The following BLZF1 variants were observed in gnomAD, a reference collection of about 807,000 sequenced individuals.
The protein encoded by BLZF1 is golgin-45.
Under a neutral mutation model 43.8 loss-of-function variants are expected in BLZF1, and 39 were observed. The observed-to-expected ratio is 0.89, with a 90% CI of 0.69 to 1.16. BLZF1 has a LOEUF of 1.16. Among genes scored for constraint, BLZF1 ranks in the 50% most tolerant of loss-of-function variants. BLZF1 has a pLI of 0.00. For synonymous variants in BLZF1, 136 were observed against 159.4 expected (o/e 0.85, Z 1.11); for missense variants, 449 against 469.8 (o/e 0.96, Z 0.41).
At chr1:169,393,200 T>C (rs1276210733), downstream of BLZF1, among the ~76,000 whole-genome samples, 2 of 152,090 alleles carry the variant, frequency 1.3e-5, no homozygotes, top group Admixed American at 1.3e-4. Context: ...AAACATCTGG[T>C]GTCAGAAGTG....
chr1:169,376,999 A>G lies in BLZF1; in HGVS notation c.468+20A>G. On this transcript the variant is annotated intron_variant, in intron 3 of 6. Coordinates refer to ENST00000367808, the MANE Select transcript of BLZF1 (RefSeq NM_001320973.2). ...ACAGAGGTAAGAAGAGCCTTAATCG[A>G]TAAAATGAGTACTACTCTTTACGTC... is the stretch of plus-strand genomic sequence containing the variant. 6.3e-7 allele frequency: 1 copy of G among 1,593,286 alleles called. No homozygotes were observed. Among genetic ancestry groups the G allele is most frequent in the South Asian group, 1.1e-5 (1 of 89,720 alleles).
rs534344562 is a variant in BLZF1 at position 169,384,744 on chromosome 1, G to A, written c.1018-2253G>A. Among the ~76,000 whole-genome samples, 65 of 152,196 alleles carry A rather than the reference G, an allele frequency of 4.3e-4. No individual in the cohort carries two copies. In the South Asian group the frequency reaches 8.9e-3, roughly 21 times the overall value. On this transcript the variant is annotated intron_variant, in intron 6 of 6. Transcript: ENST00000367808. ...GAACCTGCCTTCTCTGAATCTTGCT[G>A]GCAATCTGAAGTGTTCCTTCTCCAT...
intron 2 of BLZF1, 51 bp from the exon 3 acceptor site, chr1:169,376,489 C>T (rs761842054): frequency 1.1e-5 from 17 of 1,497,738 alleles, no homozygotes; most frequent in Admixed American, 4.5e-5. Flanking sequence ...TTAGCATTTT[C>T]TTGGCATTTC....
chr1:169,394,630 TC>T (rs1477684463), intron 7 of BLZF1, among the ~76,000 whole-genome samples: 1 of 152,180 alleles, frequency 6.6e-6, no homozygotes, highest in Non-Finnish European at 1.5e-5. Context: ...ATTATTCAAA[TC>T]CAAAGTTGAC....
chr1:169,382,185 T>C lies in BLZF1; in HGVS notation c.921T>C (p.Asn307=). Residue 307 remains asparagine (N), a synonymous_variant, in exon 6 of 7, where the codon AAT becomes AAC. Transcript: ENST00000367808. Reference sequence around the variant, plus strand: ...ATCACAAGTTGGCAAAAGCAGTAAATTCTCATCTTCTGGGAAATGTTGGCA... The same window carrying C: ...ATCACAAGTTGGCAAAAGCAGTAAACTCTCATCTTCTGGGAAATGTTGGCA... ...LTNHKLAKAV[N]SHLLGNVGIN... 6.2e-7 allele frequency: 1 copy of C among 1,613,804 alleles called. No homozygotes were observed. Among genetic ancestry groups the C allele is most frequent in the Non-Finnish European group, 8.5e-7 (1 of 1,179,754 alleles).
chr1:169,383,669 CT>C (rs1449906668), intron 6 of BLZF1, among the ~76,000 whole-genome samples: 1 of 152,118 alleles, frequency 6.6e-6, no homozygotes, highest in Non-Finnish European at 1.5e-5. Context: ...CTCCCTTGAC[CT>C]TTGTAACATC....
intron 2 of BLZF1, among the ~76,000 whole-genome samples, chr1:169,371,024 C>A (rs1157274345): frequency 1.3e-5 from 2 of 152,136 alleles, no homozygotes; most frequent in Admixed American, 1.3e-4. Context: ...AATTTTTCAG[C>A]AAACTGACCT....
chr1:169,389,226 G>A (rs938388949), downstream of BLZF1, among the ~76,000 whole-genome samples: 18 of 152,122 alleles, frequency 1.2e-4, no homozygotes, highest in Admixed American at 7.9e-4. Context: ...CCTGGGAGGT[G>A]GAGGCTGCAG....
downstream of BLZF1, among the ~76,000 whole-genome samples, chr1:169,391,421 T>C (rs1266812832): frequency 1.3e-5 from 2 of 152,152 alleles, no homozygotes; most frequent in Non-Finnish European, 2.9e-5. Flanking sequence ...TGCAAGCCAC[T>C]GGCCACTGAA....
intron 3 of BLZF1, 121 bp from the exon 4 acceptor site, chr1:169,378,209 G>A (rs1239403804): frequency 3.4e-6 from 3 of 871,646 alleles, no homozygotes; most frequent in Non-Finnish European, 5.4e-6. Context: ...CTTTTTGATA[G>A]AAACTTCAAG....
At chr1:169,375,153 G>A (rs1654257756) in intron 2 of BLZF1, among the ~76,000 whole-genome samples, 1 of 151,310 alleles carries the variant, frequency 6.6e-6, no homozygotes, top group Non-Finnish European at 1.5e-5. Context: ...GTGAAAAATT[G>A]TAAAGAGTCT....
chr1:169,388,641 A>T (rs747359225), downstream of BLZF1, among the ~76,000 whole-genome samples: 21 of 152,204 alleles, frequency 1.4e-4, no homozygotes. Flanking sequence ...TAGTGTCCAG[A>T]ATATATAAAG....
rs150627012 is a variant in BLZF1 at position 169,393,588 on chromosome 1, G to GA, written c.*28-2295dup. Among the ~76,000 whole-genome samples, 71 of 139,684 alleles carry GA rather than the reference G, an allele frequency of 5.1e-4. 1 individual carries two copies. The East Asian group carries it at 6.2e-3, about 12-fold the overall frequency. 91.6% of individuals were successfully genotyped at this position (139,684 alleles called of 152,430 possible). On this transcript the variant is annotated intron_variant, in intron 7 of 7. Transcript: ENST00000329281. Reference sequence around the variant, plus strand: ...TGGGAGACTGTGAGACTGTCTAAGGGAAAAAAAAAAACAACTTTGTCTCTT... The same window carrying GA: ...TGGGAGACTGTGAGACTGTCTAAGGGAAAAAAAAAAAACAACTTTGTCTCTT...
chr1:169,381,287 T>C (rs1009199717), intron 5 of BLZF1, among the ~76,000 whole-genome samples: 12 of 152,060 alleles, frequency 7.9e-5, no homozygotes, highest in African/African-American at 2.9e-4. Context: ...GTAATTTAGA[T>C]GAAATGGACA....
rs1654717325 is a variant in BLZF1, at chr1:169,387,805, T to C, written c.*623T>C. 1 of 152,188 alleles carries C rather than the reference T, an allele frequency of 6.6e-6. No individual in the cohort carries two copies. The highest frequency in any genetic ancestry group is 1.9e-4 in the East Asian group (1 of 5,208). The allele number at this position is 152,188 out of a possible 1,614,324, so 9.4% of individuals were successfully genotyped here. On this transcript the variant is annotated 3_prime_UTR_variant, in exon 7 of 7. Transcript: ENST00000367808. ...TAATCTTTTAAAAATAAATGCTATA[T>C]ATTAGGAAAATAAAAAATATTTTAG...
At chr1:169,380,740 T>A (rs1654500136) in intron 5 of BLZF1, 131 bp downstream of exon 5, 7 of 970,260 alleles carry the variant, frequency 7.2e-6, no homozygotes, top group Non-Finnish European at 8.9e-6. Flanking sequence ...GAGCATATAC[T>A]TTTAGTAGCA....
At position 169,380,522 on chromosome 1, in the gene BLZF1, A is replaced by G. The variant is rs1654489494; in HGVS notation, c.710A>G (p.Gln237Arg). 6.2e-7 allele frequency: 1 copy of G among 1,612,792 alleles called. No individual in the cohort carries two copies. Residue 237 changes from glutamine to arginine, a missense_variant, in exon 5 of 7, where the codon CAG (glutamine) becomes CGG (arginine). Physicochemically the swap from Gln to Arg is conservative, Grantham distance 43. Coordinates refer to ENST00000367808, the MANE Select transcript of BLZF1 (RefSeq NM_001320973.2). Reference protein sequence around the residue: ...DELTNSRAALQRQNRDAHGAI... With the variant: ...DELTNSRAALRRQNRDAHGAI... The stretch of plus-strand genomic sequence containing the variant: ...TTAACCAACTCAAGAGCAGCTTTAC[A>G]GCGTCAAAACCGTGATGCACACGGG...
chr1:169,372,256 G>A (rs555218840), intron 2 of BLZF1, among the ~76,000 whole-genome samples: 1 of 152,054 alleles, frequency 6.6e-6, no homozygotes, highest in South Asian at 2.1e-4. Flanking sequence ...TCCCTAATTT[G>A]TTTAACTGTA....
intron 7 of BLZF1, among the ~76,000 whole-genome samples, chr1:169,393,359 A>C (rs1398926715): frequency 6.6e-6 from 1 of 151,942 alleles, no homozygotes; most frequent in African/African-American, 2.4e-5. Flanking sequence ...AGGCTGAGGC[A>C]GGTGGATCAG....
Sources: gnomAD v4.1 joint callset for allele counts (sites outside exome capture counted in the v4.1 genomes callset) on GRCh38, gnomAD v4.1.1 for gene constraint, MANE v1.5 for transcripts, NCBI Gene and HGNC (gene_info 2026-07-23, HGNC 2026-07-21) for gene names.